The following SHISA9 variants were observed in gnomAD, a reference collection of about 807,000 sequenced individuals.
SHISA9 encodes shisa family member 9, also known as protein shisa-9.
A neutral mutation model predicts 38.0 loss-of-function variants in SHISA9; 13 were observed. That is an observed-to-expected ratio of 0.34 (90% CI 0.22 to 0.54). SHISA9 has a LOEUF of 0.54. SHISA9 is among the 20% of genes least tolerant of loss of function. SHISA9 has a pLI of 0.91. For missense variants in SHISA9, 538 were observed against 575.8 expected (o/e 0.93, Z 0.67); for synonymous variants, 275 against 242.0 (o/e 1.14, Z -1.27).
At chr16:13,074,215 C>T (rs1485283417) in intron 2 of SHISA9, among the ~76,000 whole-genome samples, 1 of 152,060 alleles carries the variant, frequency 6.6e-6, no homozygotes, top group Non-Finnish European at 1.5e-5. Flanking sequence ...GGTGATCCAC[C>T]CCCCTCGGCC....
At chr16:13,379,646 A>G in the SHISA9 span, among the ~76,000 whole-genome samples, 5 of 152,210 alleles carry the variant, frequency 3.3e-5, no homozygotes, top group African/African-American at 7.2e-5. Context: ...GTGCCTAACA[A>G]TAGTGCCTGA....
intron 2 of SHISA9, among the ~76,000 whole-genome samples, chr16:13,121,498 A>G (rs924670620): frequency 6.6e-6 from 1 of 152,188 alleles, no homozygotes; most frequent in African/African-American, 2.4e-5. Context: ...TCTCGAAAAT[A>G]AAGATTATTT....
chr16:13,363,889 T>C, the SHISA9 span, among the ~76,000 whole-genome samples: 10 of 152,188 alleles, frequency 6.6e-5, no homozygotes, highest in Admixed American at 6.5e-4. Flanking sequence ...AATATCAGCA[T>C]GTCCTAAGAA....
intron 2 of SHISA9, among the ~76,000 whole-genome samples, chr16:13,025,223 C>G (rs768367664): frequency 4.6e-5 from 7 of 152,106 alleles, no homozygotes; most frequent in African/African-American, 1.7e-4. Flanking sequence ...TATTACTTTC[C>G]TCTATCTTTC....
chr16:13,542,460 G>C, the SHISA9 span, among the ~76,000 whole-genome samples: 1 of 152,236 alleles, frequency 6.6e-6, no homozygotes, highest in Non-Finnish European at 1.5e-5. Context: ...CTAAGGTTCA[G>C]AGAGGGTAAG....
chr16:13,296,745 G>C, the SHISA9 span, among the ~76,000 whole-genome samples: 1 of 151,706 alleles, frequency 6.6e-6, no homozygotes, highest in African/African-American at 2.4e-5. Flanking sequence ...ACAAAAATTA[G>C]CTGGGTGTGG....
chr16:13,235,388 C>G lies in SHISA9; in HGVS notation c.1254C>G (p.Ser418Arg). 1 of 1,538,356 alleles carries G rather than the reference C, an allele frequency of 6.5e-7. No individual in the cohort carries two copies. The highest frequency in any genetic ancestry group is 8.7e-7 in the Non-Finnish European group (1 of 1,146,610). ...PPPQPYFITN[S>R]KTEVTV is the part of the protein sequence containing the mutation. ...CACAGCCATACTTCATCACCAACAG[C>G]AAAACAGAAGTGACTGTCTGAGCTT... The change falls in exon 5 of 5, where the codon AGC (serine) becomes AGG (arginine). Residue 418 changes from serine to arginine, a missense_variant. Ser to Arg is a moderately radical substitution (Grantham distance 110). Transcript: ENST00000558583.
chr16:12,951,094 A>C (rs572304597), intron 2 of SHISA9, among the ~76,000 whole-genome samples: 1 of 150,478 alleles, frequency 6.6e-6, no homozygotes, highest in African/African-American at 2.4e-5. Context: ...GGTGGCAGGC[A>C]CCTGTAATCC....
chr16:13,068,849 T>C (rs1465321786), intron 2 of SHISA9, among the ~76,000 whole-genome samples: 1 of 150,270 alleles, frequency 6.7e-6, no homozygotes, highest in Non-Finnish European at 1.5e-5. Flanking sequence ...TATGTGTATA[T>C]ATATGCATAC....
chr16:13,077,903 T>A (rs1190832440), intron 2 of SHISA9, among the ~76,000 whole-genome samples: 2 of 152,146 alleles, frequency 1.3e-5, no homozygotes, highest in Non-Finnish European at 2.9e-5. Context: ...TTTGATTGCC[T>A]ATGAGGACAT....
intron 2 of SHISA9, among the ~76,000 whole-genome samples, chr16:13,019,924 TTTC>T (rs2072822328): frequency 3.3e-5 from 3 of 91,902 alleles, no homozygotes; most frequent in East Asian, 5.1e-4. Context: ...TCTTTCTTTC[TTTC>T]TTTCTTTCTT....
At chr16:13,437,018 C>G in the SHISA9 span, among the ~76,000 whole-genome samples, 1 of 152,192 alleles carries the variant, frequency 6.6e-6, no homozygotes, top group African/African-American at 2.4e-5. Context: ...GAGACTTACT[C>G]ATTTTCATGA....
intron 2 of SHISA9, among the ~76,000 whole-genome samples, chr16:13,017,482 C>T (rs1462705800): frequency 6.6e-6 from 1 of 152,172 alleles, no homozygotes; most frequent in Non-Finnish European, 1.5e-5. Context: ...AGTCTCATAG[C>T]TACTGGCTAA....
At chr16:13,019,557 C>T (rs1274512296) in intron 2 of SHISA9, among the ~76,000 whole-genome samples, 1 of 151,886 alleles carries the variant, frequency 6.6e-6, no homozygotes, top group African/African-American at 2.4e-5. Context: ...CATTTAATGG[C>T]GTTAGGTACA....
At chr16:12,970,327 A>ATATATATATATACACATATATG (rs1567356717) in intron 2 of SHISA9, among the ~76,000 whole-genome samples, 13 of 43,572 alleles carry the variant, frequency 3.0e-4, no homozygotes, top group South Asian at 1.1e-3. Flanking sequence ...GTATATATAC[A>ATATATATATATACACATATATG]TATATATATA....
intron 2 of SHISA9, among the ~76,000 whole-genome samples, chr16:13,138,751 A>G (rs1015860566): frequency 1.3e-5 from 2 of 152,164 alleles, no homozygotes; most frequent in African/African-American, 4.8e-5. Flanking sequence ...TTGCTGCCCT[A>G]TGAGTCATTT....
At chr16:13,071,757 C>T (rs1207031343) in intron 2 of SHISA9, among the ~76,000 whole-genome samples, 2 of 152,036 alleles carry the variant, frequency 1.3e-5, no homozygotes, top group Non-Finnish European at 2.9e-5. Context: ...CCCATTTCAG[C>T]CTCCCTAGTA....
chr16:12,980,752 G>A (rs2141822626), intron 2 of SHISA9, among the ~76,000 whole-genome samples: 1 of 150,598 alleles, frequency 6.6e-6, no homozygotes, highest in South Asian at 2.1e-4. Context: ...TATTTTTTTA[G>A]TCATGACTTC....
At chr16:13,273,370 G>C in the SHISA9 span, among the ~76,000 whole-genome samples, 1 of 152,116 alleles carries the variant, frequency 6.6e-6, no homozygotes, top group Non-Finnish European at 1.5e-5. Flanking sequence ...TTGTGGGAGG[G>C]ACCTGGTGGG....
Sources: gnomAD v4.1 joint callset for allele counts (sites outside exome capture counted in the v4.1 genomes callset) on GRCh38, gnomAD v4.1.1 for gene constraint, MANE v1.5 for transcripts, NCBI Gene and HGNC (gene_info 2026-07-23, HGNC 2026-07-21) for gene names.